MYO3A: variants seen among roughly 807,000 people sequenced by gnomAD.
The protein encoded by MYO3A is myosin IIIA.
In MYO3A, 180 loss-of-function variants were observed where a neutral mutation model predicts 192.7. The observed-to-expected ratio is 0.93, with a 90% CI of 0.83 to 1.06. The LOEUF is 1.06. Among genes scored for constraint, MYO3A ranks in the 50% least tolerant of loss-of-function variants. MYO3A has a pLI of 0.00. For synonymous variants in MYO3A, 628 were observed against 645.3 expected (o/e 0.97, Z 0.41); for missense variants, 1,896 against 1,905.0 (o/e 1.00, Z 0.09).
intron 21 of MYO3A, among the ~76,000 whole-genome samples, chr10:26,144,630 A>G (rs978153068): frequency 3.3e-5 from 5 of 152,168 alleles, no homozygotes; most frequent in Non-Finnish European, 5.9e-5. Flanking sequence ...ATAATAATTT[A>G]TAGCTCTACA....
intron 4 of MYO3A, among the ~76,000 whole-genome samples, chr10:25,965,601 A>T (rs1838208639): frequency 6.6e-6 from 1 of 152,026 alleles, no homozygotes; most frequent in South Asian, 2.1e-4. Context: ...CTAGTGCAGC[A>T]CTAGGACTTG....
intron 17 of MYO3A, among the ~76,000 whole-genome samples, chr10:26,114,656 G>T (rs1352572293): frequency 6.6e-6 from 1 of 152,132 alleles, no homozygotes; most frequent in East Asian, 1.9e-4. Flanking sequence ...AAATAAGAAA[G>T]ATTCTGTTTT....
At chr10:26,052,414 C>T (rs530730865) in intron 10 of MYO3A, among the ~76,000 whole-genome samples, 63 of 152,270 alleles carry the variant, frequency 4.1e-4, no homozygotes, top group African/African-American at 1.4e-3. Flanking sequence ...AGGTATTGAG[C>T]GTTGATCCAG....
chr10:26,094,182 T>G (rs1326983019), intron 15 of MYO3A, among the ~76,000 whole-genome samples: 1 of 152,198 alleles, frequency 6.6e-6, no homozygotes, highest in African/African-American at 2.4e-5. Context: ...GTATCAAACC[T>G]TTAATGTTAT....
rs1300719587 is a variant in MYO3A, at chr10:26,153,947, T to A, written c.2715+18T>A. 1 of 1,519,488 alleles carries A rather than the reference T, an allele frequency of 6.6e-7. No homozygotes were observed. Among genetic ancestry groups the A allele is most frequent in the African/African-American group, 1.4e-5 (1 of 72,810 alleles). 94.1% of individuals were successfully genotyped at this position (1,519,488 alleles called of 1,614,324 possible). A position where few individuals can be genotyped will look rare whatever the true frequency, so the allele number is the denominator to read the frequency against. On this transcript the variant is annotated intron_variant, in intron 24 of 34. Coordinates refer to ENST00000642920, the MANE Select transcript of MYO3A (RefSeq NM_017433.5). ...TGGCAAAGGTAAGAAAATGCTTTTT[T>A]TCTTGGCAGTGAGTCTAAGAATCTA... is the stretch of plus-strand genomic sequence containing the variant.
chr10:26,009,209 A>G (rs1301849019), intron 6 of MYO3A, among the ~76,000 whole-genome samples: 3 of 149,086 alleles, frequency 2.0e-5, no homozygotes, highest in Non-Finnish European at 3.0e-5. Context: ...GGGGAACATC[A>G]CACTCTGGGG....
At chr10:25,977,775 G>A (rs889676215) in intron 4 of MYO3A, among the ~76,000 whole-genome samples, 1 of 152,022 alleles carries the variant, frequency 6.6e-6, no homozygotes, top group African/African-American at 2.4e-5. Flanking sequence ...CCTTAGGTAT[G>A]TGTTCTTTAC....
rs574927618 is a variant in MYO3A, at chr10:26,059,996, G to A, written c.954-6979G>A. 3.9e-5 allele frequency among the ~76,000 whole-genome samples: 6 copies of A among 152,158 alleles called. No individual in the cohort carries two copies. In the East Asian group the frequency reaches 1.2e-3, roughly 29 times the overall value. On this transcript the variant is annotated intron_variant, in intron 10 of 34. Transcript: ENST00000642920. The stretch of plus-strand genomic sequence containing the variant: ...ACTTAGGCTGGGCGTGATGGCTCAC[G>A]CCCGTAATCCCAGCACTTTGGGAGG...
chr10:26,119,268 AT>A (rs964265338), intron 17 of MYO3A, among the ~76,000 whole-genome samples: 83 of 151,448 alleles, frequency 5.5e-4, no homozygotes, highest in African/African-American at 1.7e-3. Flanking sequence ...AGCCCTTGTA[AT>A]TTTTTTTCTG....
chr10:25,958,028 C>T (rs1026747769), intron 4 of MYO3A, among the ~76,000 whole-genome samples: 1 of 152,164 alleles, frequency 6.6e-6, no homozygotes, highest in Admixed American at 6.5e-5. Flanking sequence ...TTCTCCTATT[C>T]TGTAGGCTGT....
intron 15 of MYO3A, among the ~76,000 whole-genome samples, chr10:26,093,911 C>A (rs558815154): frequency 6.6e-6 from 1 of 152,084 alleles, no homozygotes; most frequent in African/African-American, 2.4e-5. Context: ...TGGAACTATC[C>A]TTCTCTAGTT....
chr10:25,969,111 C>T (rs939296843), intron 4 of MYO3A, among the ~76,000 whole-genome samples: 2 of 152,052 alleles, frequency 1.3e-5, no homozygotes, highest in Non-Finnish European at 2.9e-5. Context: ...AGGTGGCGTG[C>T]ACCTGTAGTC....
intron 17 of MYO3A, among the ~76,000 whole-genome samples, chr10:26,119,706 G>A (rs1838734650): frequency 6.6e-6 from 1 of 152,136 alleles, no homozygotes; most frequent in Non-Finnish European, 1.5e-5. Context: ...TAGTTGAAGA[G>A]CTAGAATTAC....
intron 31 of MYO3A, among the ~76,000 whole-genome samples, chr10:26,191,966 C>T (rs1019174041): frequency 2.0e-5 from 3 of 152,158 alleles, no homozygotes; most frequent in African/African-American, 7.2e-5. Context: ...AATATGTGCT[C>T]AGGTGTATTG....
At chr10:26,168,587 A>C in intron 27 of MYO3A, 125 bp from the exon 28 acceptor site, 1 of 968,126 alleles carries the variant, frequency 1.0e-6, no homozygotes, top group Non-Finnish European at 1.6e-6. Context: ...TAGGGCAAAG[A>C]AGCAAAAGAC....
At chr10:25,987,236 A>T (rs1839708708) in intron 4 of MYO3A, among the ~76,000 whole-genome samples, 1 of 152,226 alleles carries the variant, frequency 6.6e-6, no homozygotes, top group Non-Finnish European at 1.5e-5. Context: ...ACTTAAATGT[A>T]AAACCTGAAT....
At chr10:25,947,820 A>G (rs755064753) in intron 2 of MYO3A, among the ~76,000 whole-genome samples, 1 of 152,164 alleles carries the variant, frequency 6.6e-6, no homozygotes, top group African/African-American at 2.4e-5. Flanking sequence ...ACTATCTACT[A>G]TGTGTCAGGC....
chr10:26,179,780 T>C (rs1293013131), intron 31 of MYO3A, among the ~76,000 whole-genome samples: 1 of 152,256 alleles, frequency 6.6e-6, no homozygotes, highest in African/African-American at 2.4e-5. Flanking sequence ...TCATCTGTCC[T>C]AGAACAAAAG....
At chr10:26,066,852 G>A in intron 10 of MYO3A, 123 bp from the exon 11 acceptor site, 2 of 686,400 alleles carry the variant, frequency 2.9e-6, no homozygotes. Flanking sequence ...CTATTTTCTG[G>A]TATCTTATCA....
Sources: gnomAD v4.1 joint callset for allele counts (sites outside exome capture counted in the v4.1 genomes callset) on GRCh38, gnomAD v4.1.1 for gene constraint, MANE v1.5 for transcripts, NCBI Gene and HGNC (gene_info 2026-07-23, HGNC 2026-07-21) for gene names.